PRDM5: variants seen among roughly 807,000 people sequenced by gnomAD.
PRDM5 encodes the protein PR/SET domain 5.
A neutral mutation model predicts 81.2 loss-of-function variants in PRDM5; 56 were observed. The observed-to-expected ratio is 0.69, with a 90% CI of 0.56 to 0.86. The LOEUF (loss-of-function observed/expected upper bound fraction) is 0.86. Ranked by LOEUF, PRDM5 falls within the 40% of genes least tolerant of loss-of-function variation. The pLI, the probability that PRDM5 is intolerant of heterozygous loss-of-function variation, is 0.00. For missense variants in PRDM5, 697 were observed against 770.1 expected, an observed-to-expected ratio of 0.91 and a Z score of 1.12; for synonymous variants, 267 against 256.4, an observed-to-expected ratio of 1.04 and a Z score of -0.39.
intron 7 of PRDM5, 152 bp from the exon 8 acceptor site, chr4:120,811,601 A>C: frequency 2.0e-6 from 1 of 502,776 alleles, no homozygotes; most frequent in South Asian, 3.7e-5. Context: ...TTAAAGAGTA[A>C]GTTATATTTT....
At chr4:120,839,922 G>A (rs1465357388) in intron 3 of PRDM5, among the ~76,000 whole-genome samples, 3 of 152,228 alleles carry the variant, frequency 2.0e-5, no homozygotes, top group African/African-American at 2.4e-5. Context: ...TGTCAGCACT[G>A]CCCCAGGTGT....
At chr4:120,737,015 G>T (rs1166585792) in intron 14 of PRDM5, among the ~76,000 whole-genome samples, 1 of 152,164 alleles carries the variant, frequency 6.6e-6, no homozygotes. Flanking sequence ...CAATAAGTAG[G>T]AGAGTTAAGG....
chr4:120,750,716 A>G (rs56308647), intron 14 of PRDM5, among the ~76,000 whole-genome samples: 8,500 of 140,098 alleles, frequency 0.061, 378 homozygotes, highest in African/African-American at 0.13. Flanking sequence ...ACACACACAC[A>G]CACGCGCACA....
At chr4:120,817,247 G>A (rs1164247309) in intron 5 of PRDM5, among the ~76,000 whole-genome samples, 2 of 152,028 alleles carry the variant, frequency 1.3e-5, no homozygotes, top group African/African-American at 4.8e-5. Context: ...TATTATAAAA[G>A]TTTTGATATT....
At chr4:120,839,438 C>T (rs939693569) in intron 3 of PRDM5, among the ~76,000 whole-genome samples, 2 of 152,204 alleles carry the variant, frequency 1.3e-5, no homozygotes, top group African/African-American at 4.8e-5. Flanking sequence ...GGTAACTCCT[C>T]TCTCTAGGCA....
intron 2 of PRDM5, among the ~76,000 whole-genome samples, chr4:120,855,879 C>T (rs1759823233): frequency 6.6e-6 from 1 of 152,226 alleles, no homozygotes; most frequent in Admixed American, 6.5e-5. Flanking sequence ...GACAGCACTA[C>T]TTAGAGAAAT....
chr4:120,884,965 AT>A (rs1334767968), intron 2 of PRDM5, among the ~76,000 whole-genome samples: 5 of 150,908 alleles, frequency 3.3e-5, no homozygotes, highest in Admixed American at 1.3e-4. Context: ...CCTGGCTAAC[AT>A]GGTGAAACCC....
intron 3 of PRDM5, among the ~76,000 whole-genome samples, chr4:120,845,056 AC>A (rs1345649686): frequency 6.6e-6 from 1 of 152,212 alleles, no homozygotes; most frequent in Admixed American, 6.5e-5. Context: ...GCTGAGAGAG[AC>A]AAGGAAGCTG....
intron 2 of PRDM5, among the ~76,000 whole-genome samples, chr4:120,861,548 A>G (rs1760573482): frequency 6.6e-6 from 1 of 152,112 alleles, no homozygotes. Context: ...CTGTAATCTC[A>G]GCACTTTGGG....
At chr4:120,802,081 T>C (rs917009327) in intron 8 of PRDM5, among the ~76,000 whole-genome samples, 2 of 152,196 alleles carry the variant, frequency 1.3e-5, no homozygotes, top group Admixed American at 6.5e-5. Context: ...AAGTGAAATA[T>C]TGTTCACTTG....
In PRDM5 at chr4:120,746,348, ATT is replaced by A. The variant is rs1578569790; in HGVS notation, c.1623+8203_1623+8204del. ...AAAAACCCTAGAAGAAAACCTAGGC[ATT>A]ACCATTCAGGACATAGGCATGGGCA... On this transcript the variant is annotated intron_variant, in intron 14 of 15. Transcript: ENST00000264808. Among the ~76,000 whole-genome samples the A allele has an allele frequency of 2.0e-5, 3 of 147,196 alleles. No individual in the cohort carries two copies. In the East Asian group the frequency reaches 6.0e-4, roughly 29 times the overall value.
chr4:120,899,008 C>T (rs1254673999), intron 2 of PRDM5, among the ~76,000 whole-genome samples: 1 of 152,116 alleles, frequency 6.6e-6, no homozygotes, highest in Non-Finnish European at 1.5e-5. Context: ...GAACATAATT[C>T]TGTATGTTCT....
In PRDM5 at chr4:120,781,243, T is replaced by C; in HGVS notation, c.1343A>G (p.Asn448Ser). 5 of 1,613,030 alleles carry C rather than the reference T, an allele frequency of 3.1e-6. No homozygotes were observed. Among genetic ancestry groups the C allele is most frequent in the South Asian group, 2.2e-5 (2 of 91,072 alleles). Residue 448 changes from asparagine to serine, a missense_variant, in exon 12 of 16, where the codon AAT becomes AGT. Asn to Ser is a conservative substitution (Grantham distance 46). Coordinates refer to ENST00000264808, the MANE Select transcript of PRDM5 (RefSeq NM_018699.4). ...TTCATGAACCACCTGGACATGAACA[T>C]TTAATGTATCCTTCCTCTTAAAGGT... ...DATFKRKDTL[N>S]VHVQVVHERH...
At chr4:120,706,758 T>TTA (rs10608924) in intron 15 of PRDM5, among the ~76,000 whole-genome samples, 2,492 of 143,948 alleles carry the variant, frequency 0.017, 28 homozygotes, top group African/African-American at 0.034. Context: ...TATATAAATT[T>TTA]TATATATATA....
chr4:120,719,887 G>C (rs1452944369), intron 14 of PRDM5, among the ~76,000 whole-genome samples: 1 of 151,990 alleles, frequency 6.6e-6, no homozygotes, highest in Non-Finnish European at 1.5e-5. Flanking sequence ...CTGCATCAGG[G>C]GTTTTGTCTT....
intron 10 of PRDM5, among the ~76,000 whole-genome samples, chr4:120,792,685 A>G (rs1201211534): frequency 6.6e-6 from 1 of 152,246 alleles, no homozygotes; most frequent in Non-Finnish European, 1.5e-5. Context: ...GAATGGATAA[A>G]GAAAATGTGG....
intron 14 of PRDM5, among the ~76,000 whole-genome samples, chr4:120,743,248 T>C (rs370311718): frequency 2.0e-5 from 3 of 151,374 alleles, no homozygotes; most frequent in East Asian, 1.9e-4. Flanking sequence ...TTGTCACCAC[T>C]AGGCCTGCCC....
At chr4:120,711,824 C>A (rs1162843403) in intron 14 of PRDM5, among the ~76,000 whole-genome samples, 2 of 152,122 alleles carry the variant, frequency 1.3e-5, no homozygotes, top group South Asian at 2.1e-4. Context: ...CTTTTTATCA[C>A]CATCTTTTTA....
At chr4:120,685,877 C>G (rs1376335002) in intron 1 of PRDM5, among the ~76,000 whole-genome samples, 1 of 151,966 alleles carries the variant, frequency 6.6e-6, no homozygotes, top group Non-Finnish European at 1.5e-5. Context: ...CTCTCTAAAT[C>G]TCATGTTGAA....
Sources: gnomAD v4.1 joint callset for allele counts (sites outside exome capture counted in the v4.1 genomes callset) on GRCh38, gnomAD v4.1.1 for gene constraint, MANE v1.5 for transcripts, NCBI Gene and HGNC (gene_info 2026-07-23, HGNC 2026-07-21) for gene names.